BTNL9: variants seen among roughly 807,000 people sequenced by gnomAD.
BTNL9 encodes butyrophilin like 9.
A neutral mutation model predicts 45.8 loss-of-function variants in BTNL9; 45 were observed. That is an observed-to-expected ratio of 0.98 (90% confidence interval 0.77 to 1.26). BTNL9 has a LOEUF of 1.26. Ranked by LOEUF, BTNL9 falls within the 50% of genes most tolerant of loss-of-function variation. The probability of loss-of-function intolerance (pLI) is 0.00; values close to 1 mark genes in which losing one functional copy is unlikely to be tolerated. For synonymous variants in BTNL9, 346 were observed against 330.8 expected (o/e 1.05, Z -0.50); for missense variants, 784 against 729.7 (o/e 1.07, Z -0.86).
chr5:181,045,353 T>C (rs1008411256), intron 1 of BTNL9, 114 bp from the exon 2 acceptor site: 4 of 625,386 alleles, frequency 6.4e-6, no homozygotes, highest in Non-Finnish European at 8.6e-6. Flanking sequence ...TTGTAAGGAA[T>C]TTGAGAACTA....
At chr5:181,046,237 C>A in intron 2 of BTNL9, among the ~76,000 whole-genome samples, 2 of 135,960 alleles carry the variant, frequency 1.5e-5, no homozygotes, top group Non-Finnish European at 1.6e-5. Flanking sequence ...CCTCCACCAT[C>A]TCCCCAGCCT....
chr5:181,059,522 G>C lies in BTNL9; in HGVS notation c.1268G>C (p.Gly423Ala). The change falls in exon 11 of 11, where the codon GGG becomes GCG. Residue 423 changes from glycine (G) to alanine (A), a missense_variant. Transcript: ENST00000327705. ...LSPAAGYWVL[G>A]LWNGCEYFVL... ...CCTGCGGCCGGCTACTGGGTGCTGG[G>C]GCTGTGGAACGGCTGCGAGTACTTC... 2 of 1,604,624 alleles carry C rather than the reference G, an allele frequency of 1.2e-6. No individual in the cohort carries two copies. Among genetic ancestry groups the C allele is most frequent in the Non-Finnish European group, 1.7e-6 (2 of 1,177,880 alleles).
In BTNL9 at chr5:181,055,641, T is replaced by C. The variant is rs11949224; in HGVS notation, c.928+188T>C. The C allele has an allele frequency of 4.0e-3, 2,892 of 726,510 alleles. 68 individuals carry two copies. In the African/African-American group the frequency reaches 0.045, roughly 11 times the overall value. 45.0% of individuals were successfully genotyped at this position (726,510 alleles called of 1,614,324 possible). Reference sequence around the variant, plus strand: ...AAAATTAGCCCGGCGTGGCGGCATGTGCCTGTAGTCCCAGCTACATGGGAG... The same window carrying C: ...AAAATTAGCCCGGCGTGGCGGCATGCGCCTGTAGTCCCAGCTACATGGGAG... On this transcript the variant is annotated intron_variant, in intron 8 of 10. Transcript: ENST00000327705. This position sits in a 1 kb window ranked among gnomAD's most constrained non-coding sequence, Gnocchi z 4.4.
At chr5:181,058,299 G>C (rs1351409475) in intron 9 of BTNL9, 53 bp from the exon 10 acceptor site, 1 of 1,607,754 alleles carries the variant, frequency 6.2e-7, no homozygotes, top group African/African-American at 1.3e-5. Flanking sequence ...TAAGGTTCCA[G>C]AGTTACTGAC....
chr5:181,054,815 C>A, intron 7 of BTNL9: 4 of 985,334 alleles, frequency 4.1e-6, no homozygotes, highest in Non-Finnish European at 4.8e-6. Context: ...CCTCGCCCTT[C>A]AAGGGGAATG....
In BTNL9 at chr5:181,055,926, G is replaced by T. The variant is rs955992863; in HGVS notation, c.929-63G>T. On this transcript the variant is annotated intron_variant, in intron 8 of 10. Transcript: ENST00000327705. This position sits in a 1 kb window ranked among gnomAD's most constrained non-coding sequence, Gnocchi z 4.4. ...GGACAGGGTGGGTGCAAGATGTGATGTGTGAGCAGGGAAGCTTGGGGTCCT... is the reference window on the plus strand; with the variant it reads ...GGACAGGGTGGGTGCAAGATGTGATTTGTGAGCAGGGAAGCTTGGGGTCCT... The T allele has an allele frequency of 4.4e-6, 7 of 1,598,494 alleles. No individual in the cohort carries two copies. Among genetic ancestry groups the T allele is most frequent in the South Asian group, 1.1e-5 (1 of 90,778 alleles).
At chr5:181,045,637 C>G (rs1761067294) in intron 2 of BTNL9, 39 bp downstream of exon 2, 1 of 1,506,496 alleles carries the variant, frequency 6.6e-7, no homozygotes, top group Non-Finnish European at 9.2e-7. Flanking sequence ...GATGTGAACG[C>G]CACCCCTCCT....
At position 181,045,534 on chromosome 5, in the gene BTNL9, G is replaced by T. The variant is rs773291591; in HGVS notation, c.45G>T (p.Ser15=). The change falls in exon 2 of 11, where the codon TCG becomes TCT. Residue 15 remains serine, a synonymous_variant. Transcript: ENST00000327705. Reference sequence around the variant, plus strand: ...CCCCAGACTCCTTGAAGCCAGTATCGCTGACCAGCAGTCTTGTCTTCCTCA... The same window carrying T: ...CCCCAGACTCCTTGAAGCCAGTATCTCTGACCAGCAGTCTTGTCTTCCTCA... The part of the protein sequence containing the change: ...SVSPDSLKPV[S]LTSSLVFLMH... 2.5e-6 allele frequency: 4 copies of T among 1,612,470 alleles called. No homozygotes were observed. Among genetic ancestry groups the T allele is most frequent in the Non-Finnish European group, 2.5e-6 (3 of 1,179,214 alleles).
Position 181,061,024 on chromosome 5 carries a change from C to G in BTNL9, c.*1162C>G, listed in dbSNP as rs888174564. ...CAAACTCCTGCGCTCAAGCAATCCT[C>G]CCACCTGGGCCTCCCAAAATGCTGG... is the stretch of plus-strand genomic sequence containing the variant. On this transcript the variant is annotated 3_prime_UTR_variant, in exon 11 of 11. Transcript: ENST00000327705. 1 of 152,276 alleles carries G rather than the reference C, an allele frequency of 6.6e-6. No individual in the cohort carries two copies. Among genetic ancestry groups the G allele is most frequent in the African/African-American group, 2.4e-5 (1 of 41,456 alleles). 9.4% of individuals were successfully genotyped at this position (152,276 alleles called of 1,614,324 possible). A position where few individuals can be genotyped will look rare whatever the true frequency, so the allele number is the denominator to read the frequency against.
Position 181,059,793 on chromosome 5 carries a change from C to T in BTNL9, c.1539C>T (p.Pro513=), listed in dbSNP as rs550995366. 8.7e-6 allele frequency: 14 copies of T among 1,604,046 alleles called. No homozygotes were observed. The highest frequency in any genetic ancestry group is 1.2e-5 in the Non-Finnish European group (14 of 1,178,772). The change falls in exon 11 of 11, where the codon CCC becomes CCT. Residue 513 remains proline (P), a synonymous_variant. Transcript: ENST00000327705. The part of the protein sequence containing the change: ...CPLPVRGTGV[P]EENDSDTWLQ... The stretch of plus-strand genomic sequence containing the variant: ...TGCCGGTTAGAGGGACGGGCGTCCC[C>T]GAAGAGAACGACAGTGACACCTGGC...
intron 4 of BTNL9, among the ~76,000 whole-genome samples, chr5:181,051,095 A>C (rs984665210): frequency 1.3e-5 from 2 of 151,622 alleles, no homozygotes; most frequent in East Asian, 1.9e-4. Context: ...AAAACAAAAA[A>C]AAAAAAAACA....
At chr5:181,045,392 T>C in intron 1 of BTNL9, 75 bp from the exon 2 acceptor site, 1 of 790,164 alleles carries the variant, frequency 1.3e-6, no homozygotes, top group Non-Finnish European at 2.2e-6. Context: ...CACAACAGAC[T>C]TCAGGTCTGA....
intron 3 of BTNL9, among the ~76,000 whole-genome samples, chr5:181,049,322 C>A (rs1431967098): frequency 6.6e-6 from 1 of 152,088 alleles, no homozygotes; most frequent in Non-Finnish European, 1.5e-5. Flanking sequence ...ACCTAAATGT[C>A]CAAGCATAAA....
rs753424662 is a variant in BTNL9 at position 181,059,604 on chromosome 5, C to T, written c.1350C>T (p.Gly450=). The T allele has an allele frequency of 1.2e-5, 19 of 1,613,220 alleles. No individual in the cohort carries two copies. The Admixed American group carries it at 1.7e-4, about 14-fold the overall frequency. ...LTLRVPPRRL[G]VFLDYEAGEL... Reference sequence around the variant, plus strand: ...TGCGCGTGCCCCCGCGGCGCCTGGGCGTCTTCCTGGACTACGAGGCCGGAG... The same window carrying T: ...TGCGCGTGCCCCCGCGGCGCCTGGGTGTCTTCCTGGACTACGAGGCCGGAG... The change falls in exon 11 of 11, where the codon GGC becomes GGT. Residue 450 remains glycine, a synonymous_variant. Coordinates refer to ENST00000327705, the MANE Select transcript of BTNL9 (RefSeq NM_152547.5).
chr5:181,054,037 GA>G, intron 6 of BTNL9: 2 of 1,543,746 alleles, frequency 1.3e-6, no homozygotes, highest in East Asian at 4.9e-5. Flanking sequence ...CTCCTATGCA[GA>G]AGGGCAGCCA....
chr5:181,052,913 G>T (rs1286073311), intron 4 of BTNL9: 1 of 152,386 alleles, frequency 6.6e-6, no homozygotes, highest in Non-Finnish European at 1.5e-5. Flanking sequence ...GGGCGAGGGC[G>T]GGAAGACGCG....
At chr5:181,045,835 A>C (rs1295983259) in intron 2 of BTNL9, among the ~76,000 whole-genome samples, 3 of 117,274 alleles carry the variant, frequency 2.6e-5, no homozygotes, top group African/African-American at 3.6e-5. Flanking sequence ...AGCCCTCAAC[A>C]CCTCCTCCAC....
At position 181,055,206 on chromosome 5, in the gene BTNL9, G is replaced by A; in HGVS notation, c.908-227G>A. ...AGATCTGGTATCCCTTCTAGGCTGT[G>A]TGCAGATTTCCACCTTTGAGCTAAG... On this transcript the variant is annotated intron_variant, in intron 7 of 10. Transcript: ENST00000327705. This position sits in a 1 kb window ranked among gnomAD's most constrained non-coding sequence, Gnocchi z 4.4. 2 of 1,417,746 alleles carry A rather than the reference G, an allele frequency of 1.4e-6. No homozygotes were observed. The highest frequency in any genetic ancestry group is 3.1e-5 in the South Asian group (2 of 65,330). The allele number at this position is 1,417,746 out of a possible 1,614,324, so 87.8% of individuals were successfully genotyped here. A position where few individuals can be genotyped will look rare whatever the true frequency, so the allele number is the denominator to read the frequency against.
intron 3 of BTNL9, 116 bp from the exon 4 acceptor site, chr5:181,049,972 A>G: frequency 7.6e-7 from 1 of 1,312,084 alleles, no homozygotes; most frequent in Non-Finnish European, 1.1e-6. Flanking sequence ...ACGTCTTAAT[A>G]GCAGTCACAC....
Sources: allele counts gnomAD v4.1 joint callset (sites outside exome capture counted in the v4.1 genomes callset), GRCh38; gene constraint gnomAD v4.1.1; non-coding constraint Gnocchi (gnomAD v3.1); transcripts MANE v1.5; gene names NCBI Gene and HGNC (gene_info 2026-07-23, HGNC 2026-07-21).